PID1: variants seen among roughly 807,000 people sequenced by gnomAD.
PID1 encodes the protein PTB-containing, cubilin and LRP1-interacting protein.
A neutral mutation model predicts 19.1 loss-of-function variants in PID1; 10 were observed. The observed-to-expected ratio is 0.52, with a 90% CI of 0.32 to 0.89. The LOEUF (loss-of-function observed/expected upper bound fraction) is 0.89. Among genes scored for constraint, PID1 ranks in the 40% least tolerant of loss-of-function variants. PID1 has a pLI of 0.03. For synonymous variants in PID1, 130 were observed against 116.0 expected, an observed-to-expected ratio of 1.12 and a Z score of -0.78; for missense variants, 248 against 285.3, an observed-to-expected ratio of 0.87 and a Z score of 0.94.
intron 2 of PID1, among the ~76,000 whole-genome samples, chr2:229,108,250 G>T (rs942371346): frequency 6.6e-6 from 1 of 152,222 alleles, no homozygotes; most frequent in Non-Finnish European, 1.5e-5. Flanking sequence ...TTTTTCAGCT[G>T]TGGCTTTAAT....
intron 2 of PID1, among the ~76,000 whole-genome samples, chr2:229,110,445 G>GGTTC (rs1304404329): frequency 6.6e-6 from 1 of 152,198 alleles, no homozygotes; most frequent in Non-Finnish European, 1.5e-5. Context: ...GAGGAGAAGA[G>GGTTC]GTTCTCTAGG....
At chr2:229,118,911 A>T (rs1280428826) in intron 2 of PID1, among the ~76,000 whole-genome samples, 1 of 152,212 alleles carries the variant, frequency 6.6e-6, no homozygotes, top group East Asian at 1.9e-4. Context: ...CTCAAGAGTA[A>T]GAGTCTGAAC....
intron 1 of PID1, among the ~76,000 whole-genome samples, chr2:229,209,104 G>A (rs1225434529): frequency 6.6e-6 from 1 of 152,142 alleles, no homozygotes; most frequent in Non-Finnish European, 1.5e-5. Context: ...TTCAAAAAAG[G>A]CCACACCTGA....
intron 1 of PID1, among the ~76,000 whole-genome samples, chr2:229,220,672 T>A (rs1444841941): frequency 6.6e-6 from 1 of 152,184 alleles, no homozygotes; most frequent in Admixed American, 6.5e-5. Flanking sequence ...CTATTAGCAT[T>A]GAACTTCTGT....
chr2:229,267,631 T>C (rs908195786), intron 1 of PID1, among the ~76,000 whole-genome samples: 1 of 152,108 alleles, frequency 6.6e-6, no homozygotes, highest in East Asian at 1.9e-4. Flanking sequence ...CTCCAGAAAA[T>C]GCATCTGGTA....
At chr2:229,069,064 A>G (rs1694392498) in intron 2 of PID1, among the ~76,000 whole-genome samples, 1 of 151,778 alleles carries the variant, frequency 6.6e-6, no homozygotes, top group Non-Finnish European at 1.5e-5. Flanking sequence ...CCAGTTTGGA[A>G]AAGAGTTTTT....
At chr2:229,163,755 C>T (rs959029892) in intron 1 of PID1, among the ~76,000 whole-genome samples, 8 of 152,044 alleles carry the variant, frequency 5.3e-5, no homozygotes, top group African/African-American at 1.9e-4. Flanking sequence ...CACGCACACA[C>T]ACAAATGTGT....
In PID1 at chr2:229,264,994, C is replaced by T. The variant is rs114195165; in HGVS notation, c.30+6020G>A. 5.5e-3 allele frequency among the ~76,000 whole-genome samples: 837 copies of T among 152,296 alleles called. 3 individuals are homozygous for T. Among genetic ancestry groups the T allele is most frequent in the African/African-American group, 0.011 (439 of 41,556 alleles). On this transcript the variant is annotated intron_variant, in intron 1 of 2. Transcript: ENST00000392055. ...TTCTGTTTATTGAGCACCTACTATA[C>T]GCTACATACCAAAATCTCTGCAAAG...
chr2:229,139,057 GAGAAAGAA>G lies in PID1; in HGVS notation c.177+16753_177+16760del, dbSNP rs10701076. 9.9e-3 allele frequency among the ~76,000 whole-genome samples: 450 copies of G among 45,546 alleles called. 19 individuals carry two copies. Among genetic ancestry groups the G allele is most frequent in the Non-Finnish European group, 0.013 (301 of 22,588 alleles). 29.9% of individuals were successfully genotyped at this position (45,546 alleles called of 152,430 possible). On this transcript the variant is annotated intron_variant, in intron 2 of 2. Coordinates refer to ENST00000392055, the MANE Select transcript of PID1 (RefSeq NM_001100818.2). ...AAAGAAAGAGAAAGAAAGAAAGAAA[GAGAAAGAA>G]AGAAAGAAAGAAAGAAAGAAAGAAA...
chr2:229,045,718 C>T (rs572692270), intron 2 of PID1, among the ~76,000 whole-genome samples: 5 of 152,282 alleles, frequency 3.3e-5, no homozygotes, highest in South Asian at 4.1e-4. Flanking sequence ...GTGAACACAC[C>T]GATGAATTTC....
At chr2:229,090,961 G>A (rs1311574430) in intron 2 of PID1, among the ~76,000 whole-genome samples, 10 of 152,212 alleles carry the variant, frequency 6.6e-5, no homozygotes, top group African/African-American at 2.2e-4. Context: ...TGTTTACCAC[G>A]TTTGAAATCT....
chr2:229,105,140 A>T (rs1695150515), intron 2 of PID1, among the ~76,000 whole-genome samples: 1 of 152,218 alleles, frequency 6.6e-6, no homozygotes, highest in Non-Finnish European at 1.5e-5. Context: ...CGCAAGAGGG[A>T]TCACCACGTT....
chr2:229,098,470 T>C (rs999163356), intron 2 of PID1, among the ~76,000 whole-genome samples: 22 of 152,196 alleles, frequency 1.4e-4, no homozygotes, highest in African/African-American at 5.1e-4. Flanking sequence ...GCACATTAAA[T>C]ATTCTTAAGT....
In PID1 at chr2:229,184,182, GTA is replaced by G. The variant is rs1368326736; in HGVS notation, c.31-28220_31-28219del. On this transcript the variant is annotated intron_variant, in intron 1 of 2. Transcript: ENST00000392055. Reference sequence around the variant, plus strand: ...TATCCCATATGTATATATCCCATATGTATATATCCCATATGTATATCCCATAT... The same window carrying G: ...TATCCCATATGTATATATCCCATATGTATATCCCATATGTATATCCCATAT... 8.7e-4 allele frequency among the ~76,000 whole-genome samples: 4 copies of G among 4,604 alleles called. 2 individuals carry two copies. The highest frequency in any genetic ancestry group is 7.9e-3 in the African/African-American group (4 of 506). 3.0% of individuals were successfully genotyped at this position (4,604 alleles called of 152,430 possible).
intron 1 of PID1, among the ~76,000 whole-genome samples, chr2:229,213,994 C>T (rs1280584335): frequency 6.6e-6 from 1 of 152,184 alleles, no homozygotes; most frequent in Non-Finnish European, 1.5e-5. Flanking sequence ...TCCCATTCAG[C>T]TCTCTTTAAT....
At chr2:229,073,440 T>C (rs991381373) in intron 2 of PID1, among the ~76,000 whole-genome samples, 16 of 152,232 alleles carry the variant, frequency 1.1e-4, no homozygotes, top group African/African-American at 3.6e-4. Flanking sequence ...AGGAAAATTA[T>C]GGTGTAGTTG....
chr2:229,149,943 G>A (rs1690214263), intron 2 of PID1, among the ~76,000 whole-genome samples: 1 of 152,060 alleles, frequency 6.6e-6, no homozygotes, highest in South Asian at 2.1e-4. Flanking sequence ...GGAGCACAAA[G>A]AAATATCTCA....
intron 1 of PID1, among the ~76,000 whole-genome samples, chr2:229,225,611 G>A (rs1189341557): frequency 1.3e-5 from 2 of 152,128 alleles, no homozygotes; most frequent in South Asian, 2.1e-4. Context: ...AGGATGAGTG[G>A]ATTAGTCCCT....
At chr2:229,151,721 C>A (rs557715123) in intron 2 of PID1, among the ~76,000 whole-genome samples, 3 of 152,044 alleles carry the variant, frequency 2.0e-5, no homozygotes, top group African/African-American at 7.2e-5. Flanking sequence ...CAGGTGCCCA[C>A]CACCACGCCC....
Sources: gnomAD v4.1 joint callset for allele counts (sites outside exome capture counted in the v4.1 genomes callset) on GRCh38, gnomAD v4.1.1 for gene constraint, MANE v1.5 for transcripts, NCBI Gene and HGNC (gene_info 2026-07-23, HGNC 2026-07-21) for gene names.